Variants in CSGALNACT1 observed in about 807,000 individuals in gnomAD.
CSGALNACT1 encodes the protein beta4GalNAcT-1.
In CSGALNACT1, 52 loss-of-function variants were observed where a neutral mutation model predicts 51.0. That is an observed-to-expected ratio of 1.02 (90% CI 0.82 to 1.29). The LOEUF is 1.29. CSGALNACT1 is among the 50% of genes most tolerant of loss of function. CSGALNACT1 has a pLI of 0.00. For missense variants in CSGALNACT1, 935 were observed against 679.2 expected (o/e 1.38, Z -4.19); for synonymous variants, 341 against 254.4 (o/e 1.34, Z -3.24).
intron 3 of CSGALNACT1, among the ~76,000 whole-genome samples, chr8:19,554,079 T>C (rs968769110): frequency 6.7e-6 from 1 of 149,552 alleles, no homozygotes; most frequent in Non-Finnish European, 1.5e-5. Context: ...GAGAGAAAAT[T>C]AGTAAGAGAA....
At chr8:19,457,724 C>T (rs778758074) in intron 5 of CSGALNACT1, 2 of 1,343,202 alleles carry the variant, frequency 1.5e-6, no homozygotes, top group Non-Finnish European at 2.0e-6. Context: ...TATCCTCAGC[C>T]AATATGTGCA....
chr8:19,750,094 C>T (rs766374990), intron 1 of CSGALNACT1, among the ~76,000 whole-genome samples: 4 of 152,180 alleles, frequency 2.6e-5, no homozygotes, highest in Non-Finnish European at 5.9e-5. Context: ...CAGCTGACCT[C>T]CAACTTCATT....
intron 3 of CSGALNACT1, among the ~76,000 whole-genome samples, chr8:19,549,953 A>T (rs1564005234): frequency 1.3e-5 from 2 of 152,004 alleles, no homozygotes; most frequent in African/African-American, 4.8e-5. Context: ...TCTGTTAAAC[A>T]TTTTTGGGAA....
At chr8:19,655,563 C>CATATATATAT (rs372331308) in intron 1 of CSGALNACT1, among the ~76,000 whole-genome samples, 60,992 of 126,634 alleles carry the variant, frequency 0.48, 13,140 homozygotes, top group Middle Eastern at 0.53. Flanking sequence ...TATATATACA[C>CATATATATAT]ACACACACAC....
At chr8:19,477,018 A>G (rs1486741101) in intron 4 of CSGALNACT1, among the ~76,000 whole-genome samples, 2 of 152,202 alleles carry the variant, frequency 1.3e-5, no homozygotes, top group East Asian at 3.9e-4. Context: ...AAATGGTAAT[A>G]ATAACTCACT....
intron 6 of CSGALNACT1, among the ~76,000 whole-genome samples, chr8:19,421,686 TAG>T (rs1445379373): frequency 1.3e-5 from 2 of 152,262 alleles, no homozygotes; most frequent in African/African-American, 4.8e-5. Flanking sequence ...AACGCAAACA[TAG>T]AGTCATAAAC....
upstream of CSGALNACT1, among the ~76,000 whole-genome samples, chr8:19,684,790 GA>G (rs759618929): frequency 5.9e-5 from 9 of 152,164 alleles, no homozygotes; most frequent in East Asian, 1.5e-3. Flanking sequence ...GAGCTCAGAA[GA>G]AAAAAAGAAC....
chr8:19,468,351 G>A (rs546054003), intron 4 of CSGALNACT1, among the ~76,000 whole-genome samples: 2 of 152,208 alleles, frequency 1.3e-5, no homozygotes, highest in African/African-American at 4.8e-5. Context: ...CACGAATGGG[G>A]GGATGGGAGA....
chr8:19,482,709 G>A (rs1025598081), intron 4 of CSGALNACT1, among the ~76,000 whole-genome samples: 3 of 151,974 alleles, frequency 2.0e-5, no homozygotes, highest in African/African-American at 4.8e-5. Context: ...ATCACAGATC[G>A]CTTTTCACTC....
intron 6 of CSGALNACT1, among the ~76,000 whole-genome samples, chr8:19,424,836 G>A (rs2058526853): frequency 6.6e-6 from 1 of 152,168 alleles, no homozygotes; most frequent in Non-Finnish European, 1.5e-5. Flanking sequence ...TGTGGTTTGG[G>A]AAGGTCCGCA....
intron 1 of CSGALNACT1, among the ~76,000 whole-genome samples, chr8:19,668,133 T>C (rs1244171678): frequency 6.6e-6 from 1 of 152,054 alleles, no homozygotes; most frequent in African/African-American, 2.4e-5. Flanking sequence ...CAATGAAAAA[T>C]AGTTTTCATA....
intron 1 of CSGALNACT1, among the ~76,000 whole-genome samples, chr8:19,609,959 G>A (rs2051973511): frequency 2.0e-5 from 3 of 152,060 alleles, no homozygotes; most frequent in Admixed American, 2.0e-4. Context: ...GGTGGCTCAC[G>A]CCTGTAATCC....
chr8:19,661,203 C>G (rs538379478), intron 1 of CSGALNACT1, among the ~76,000 whole-genome samples: 19 of 152,130 alleles, frequency 1.2e-4, no homozygotes, highest in African/African-American at 4.3e-4. Context: ...CGTAAGCCAC[C>G]ACTCCCAGGA....
intron 1 of CSGALNACT1, among the ~76,000 whole-genome samples, chr8:19,660,002 G>A (rs1398697222): frequency 2.0e-5 from 3 of 152,320 alleles, no homozygotes; most frequent in South Asian, 2.1e-4. Context: ...ACTCTAAGAA[G>A]TACAAGGTAG....
At chr8:19,410,715 G>A (rs1207679414) in intron 8 of CSGALNACT1, among the ~76,000 whole-genome samples, 1 of 152,190 alleles carries the variant, frequency 6.6e-6, no homozygotes, top group Non-Finnish European at 1.5e-5. Context: ...TATGAGCTGG[G>A]GAGTGAGTTG....
At chr8:19,531,580 G>C (rs1172200411) in intron 3 of CSGALNACT1, among the ~76,000 whole-genome samples, 2 of 152,164 alleles carry the variant, frequency 1.3e-5, no homozygotes, top group Non-Finnish European at 2.9e-5. Context: ...AATCACTAAA[G>C]TTCTCTGGGT....
intron 8 of CSGALNACT1, among the ~76,000 whole-genome samples, chr8:19,411,086 C>T (rs2055608541): frequency 6.6e-6 from 1 of 152,220 alleles, no homozygotes; most frequent in African/African-American, 2.4e-5. Flanking sequence ...ATTCTCCATG[C>T]TCACAGGTCT....
chr8:19,575,313 C>G (rs1447362389), intron 3 of CSGALNACT1, among the ~76,000 whole-genome samples: 1 of 152,182 alleles, frequency 6.6e-6, no homozygotes, highest in African/African-American at 2.4e-5. Flanking sequence ...AATTCTCAGT[C>G]CATCCCAGAA....
chr8:19,739,143 G>T lies in CSGALNACT1; in HGVS notation c.-297+18707C>A, dbSNP rs575307450. On this transcript the variant is annotated intron_variant, in intron 1 of 1. Transcript: ENST00000517494. ...TTGAAATATATATGATATTTAGGGG[G>T]TATGCTTCTATCGTGCTACTCAAGG... 1.1e-4 allele frequency among the ~76,000 whole-genome samples: 17 copies of T among 151,562 alleles called. No homozygotes were observed. The East Asian group carries it at 2.3e-3, about 21-fold the overall frequency.
Sources: allele counts gnomAD v4.1 joint callset (sites outside exome capture counted in the v4.1 genomes callset), GRCh38; gene constraint gnomAD v4.1.1; transcripts MANE v1.5; gene names NCBI Gene and HGNC (gene_info 2026-07-23, HGNC 2026-07-21).